The following CMSS1 variants were observed in gnomAD, a reference collection of about 807,000 sequenced individuals.
The protein encoded by CMSS1 is cms1 ribosomal small subunit homolog.
Under a neutral mutation model 43.5 loss-of-function variants are expected in CMSS1, and 33 were observed. That is an observed-to-expected ratio of 0.76 (90% CI 0.57 to 1.01). The LOEUF is 1.01. Among genes scored for constraint, CMSS1 ranks in the 50% least tolerant of loss-of-function variants. The probability of loss-of-function intolerance (pLI) is 0.00; values close to 1 mark genes in which losing one functional copy is unlikely to be tolerated. For missense variants in CMSS1, 313 were observed against 326.4 expected (o/e 0.96, Z 0.32); for synonymous variants, 115 against 117.2 (o/e 0.98, Z 0.12).
chr3:99,998,086 C>T (rs1026293528), intron 1 of CMSS1, among the ~76,000 whole-genome samples: 2 of 152,168 alleles, frequency 1.3e-5, no homozygotes, highest in Non-Finnish European at 2.9e-5. Context: ...TGAGTTAAAA[C>T]CAGTTAACTG....
chr3:99,901,728 C>T (rs115820903), intron 1 of CMSS1, among the ~76,000 whole-genome samples: 4 of 152,202 alleles, frequency 2.6e-5, no homozygotes, highest in African/African-American at 4.8e-5. Context: ...TAACTCTGGA[C>T]GGGATGTAAG....
At chr3:100,177,100 C>G (rs1306514622) in intron 9 of CMSS1, among the ~76,000 whole-genome samples, 1 of 152,170 alleles carries the variant, frequency 6.6e-6, no homozygotes, top group African/African-American at 2.4e-5. Flanking sequence ...AGTCACTAAC[C>G]AAGAACAAAT....
chr3:100,052,010 C>G (rs1450165323), intron 1 of CMSS1, among the ~76,000 whole-genome samples: 1 of 150,856 alleles, frequency 6.6e-6, no homozygotes, highest in Non-Finnish European at 1.5e-5. Flanking sequence ...ATATTTCAAG[C>G]AAGAAACACA....
At chr3:99,836,988 G>A (rs1483707540) in intron 1 of CMSS1, among the ~76,000 whole-genome samples, 2 of 152,186 alleles carry the variant, frequency 1.3e-5, no homozygotes, top group Non-Finnish European at 2.9e-5. Flanking sequence ...CCTGGAATAG[G>A]ACCATATTTG....
chr3:100,089,319 A>G (rs1490536402), intron 1 of CMSS1, among the ~76,000 whole-genome samples: 1 of 152,180 alleles, frequency 6.6e-6, no homozygotes, highest in Non-Finnish European at 1.5e-5. Context: ...CTATTACTAC[A>G]CGCATATCCA....
intron 1 of CMSS1, among the ~76,000 whole-genome samples, chr3:99,866,368 G>A (rs879480246): frequency 2.6e-5 from 4 of 152,098 alleles, no homozygotes; most frequent in Non-Finnish European, 2.9e-5. Flanking sequence ...GAAACCAAAC[G>A]TTTCCTAACT....
At chr3:99,988,152 A>T (rs1236392809) in intron 1 of CMSS1, among the ~76,000 whole-genome samples, 1 of 152,084 alleles carries the variant, frequency 6.6e-6, no homozygotes, top group African/African-American at 2.4e-5. Context: ...AGCTAAAAGA[A>T]TTGTGGGATC....
intron 1 of CMSS1, chr3:99,851,178 T>A: frequency 1.0e-5 from 9 of 874,918 alleles, no homozygotes; most frequent in Non-Finnish European, 1.5e-5. Flanking sequence ...ATGAGCTGTG[T>A]CAGTTCATAT....
intron 1 of CMSS1, among the ~76,000 whole-genome samples, chr3:100,071,453 T>TA (rs2065761849): frequency 6.6e-6 from 1 of 152,168 alleles, no homozygotes; most frequent in South Asian, 2.1e-4. Flanking sequence ...TCAAAGTAGA[T>TA]ACTGTTTCCT....
intron 1 of CMSS1, among the ~76,000 whole-genome samples, chr3:99,867,769 T>A (rs1944592998): frequency 6.6e-6 from 1 of 152,116 alleles, no homozygotes; most frequent in Non-Finnish European, 1.5e-5. Flanking sequence ...CAAATTCACA[T>A]GTCAAGAGAT....
intron 1 of CMSS1, chr3:99,964,378 T>A (rs1708584729): frequency 6.7e-6 from 1 of 149,526 alleles, no homozygotes; most frequent in African/African-American, 2.5e-5. Context: ...TTGAGTACCA[T>A]ATGCCTTGTA....
intron 1 of CMSS1, among the ~76,000 whole-genome samples, chr3:100,020,760 C>CTTTTTTTTTTTTTTTTTTTTTTTT (rs34665880): frequency 1.4e-5 from 1 of 70,994 alleles, no homozygotes; most frequent in Non-Finnish European, 2.4e-5. Flanking sequence ...GAATAATTAG[C>CTTTTTTTTTTTTTTTTTTTTTTTT]TTTTTTTTTT....
chr3:99,818,478 A>G (rs1398519257), intron 1 of CMSS1, among the ~76,000 whole-genome samples: 3 of 152,188 alleles, frequency 2.0e-5, no homozygotes, highest in Admixed American at 1.3e-4. Flanking sequence ...CTCATCTGTA[A>G]AATAATGATA....
chr3:100,075,469 A>G (rs989043051), intron 1 of CMSS1: 2 of 151,966 alleles, frequency 1.3e-5, no homozygotes, highest in South Asian at 4.1e-4. Flanking sequence ...CATCTCTTGC[A>G]TTTTTATAAG....
At chr3:100,155,671 A>G (rs541057789) in intron 2 of CMSS1, among the ~76,000 whole-genome samples, 6 of 152,280 alleles carry the variant, frequency 3.9e-5, no homozygotes, top group African/African-American at 1.4e-4. Flanking sequence ...TCTGAAATAC[A>G]GCCTTCAGTA....
intron 1 of CMSS1, among the ~76,000 whole-genome samples, chr3:99,823,440 C>A (rs1376547153): frequency 6.6e-6 from 1 of 152,258 alleles, no homozygotes; most frequent in Non-Finnish European, 1.5e-5. Context: ...TACCCAATTT[C>A]ACAAAGGCCT....
In CMSS1 at chr3:100,178,487, G is replaced by A; in HGVS notation, c.*99G>A. 1 of 700,102 alleles carries A rather than the reference G, an allele frequency of 1.4e-6. No individual in the cohort carries two copies. Among genetic ancestry groups the A allele is most frequent in the Non-Finnish European group, 2.5e-6 (1 of 402,682 alleles). The allele number at this position is 700,102 out of a possible 1,614,324, so 43.4% of individuals were successfully genotyped here. A position where few individuals can be genotyped will look rare whatever the true frequency, so the allele number is the denominator to read the frequency against. On this transcript the variant is annotated 3_prime_UTR_variant, in exon 10 of 10. Transcript: ENST00000421999. ...AGCACTCAGTAAATATCAGCAAATAGTTTATGTTAATTGTGTCAACAGATG... is the reference window on the plus strand; with the variant it reads ...AGCACTCAGTAAATATCAGCAAATAATTTATGTTAATTGTGTCAACAGATG...
chr3:100,096,741 A>G (rs1436266165), intron 1 of CMSS1, among the ~76,000 whole-genome samples: 1 of 152,152 alleles, frequency 6.6e-6, no homozygotes, highest in Non-Finnish European at 1.5e-5. Context: ...ATTTAATTGT[A>G]CATTTTAAAA....
At chr3:99,947,156 A>AAT (rs5851191) in intron 1 of CMSS1, among the ~76,000 whole-genome samples, 7 of 151,412 alleles carry the variant, frequency 4.6e-5, no homozygotes, top group Non-Finnish European at 1.0e-4. Flanking sequence ...AAAAAAAAAA[A>AAT]AGTAATAATA....
Sources: gnomAD v4.1 joint callset for allele counts (sites outside exome capture counted in the v4.1 genomes callset) on GRCh38, gnomAD v4.1.1 for gene constraint, MANE v1.5 for transcripts, NCBI Gene and HGNC (gene_info 2026-07-23, HGNC 2026-07-21) for gene names.